PTPRK: variants seen among roughly 807,000 people sequenced by gnomAD.
PTPRK encodes receptor-type tyrosine-protein phosphatase kappa.
PTPRK carries 75 observed loss-of-function variants against 178.0 expected under a neutral mutation model. The observed-to-expected ratio is 0.42, with a 90% confidence interval of 0.35 to 0.51. The LOEUF (loss-of-function observed/expected upper bound fraction) is 0.51, where lower values mean the gene tolerates loss of function less well. Among genes scored for constraint, PTPRK ranks in the 20% least tolerant of loss-of-function variants. PTPRK has a pLI of 0.02. For missense variants in PTPRK, 1,441 were observed against 1,797.8 expected (o/e 0.80, Z 3.59); for synonymous variants, 637 against 620.6 (o/e 1.03, Z -0.39).
intron 3 of PTPRK, among the ~76,000 whole-genome samples, chr6:128,243,488 TAAAAAAAAAAAA>T (rs760606919): frequency 3.4e-5 from 2 of 59,138 alleles, no homozygotes; most frequent in Admixed American, 2.3e-4. Flanking sequence ...AGCCTGTCGC[TAAAAAAAAAAAA>T]AAAAAAAAAA....
At chr6:128,280,424 T>C (rs1203445387) in intron 3 of PTPRK, among the ~76,000 whole-genome samples, 1 of 152,152 alleles carries the variant, frequency 6.6e-6, no homozygotes, top group Non-Finnish European at 1.5e-5. Flanking sequence ...CTTGTGACTA[T>C]CCTATCAGGA....
intron 6 of PTPRK, among the ~76,000 whole-genome samples, chr6:128,186,424 A>C (rs968037287): frequency 2.0e-5 from 3 of 152,108 alleles, no homozygotes; most frequent in Non-Finnish European, 4.4e-5. Context: ...AACTAAGATC[A>C]AAGATGATAA....
At chr6:128,014,036 A>G (rs1779335721) in intron 13 of PTPRK, among the ~76,000 whole-genome samples, 1 of 151,578 alleles carries the variant, frequency 6.6e-6, no homozygotes. Flanking sequence ...AGGACCTAAA[A>G]AGGAGCAACA....
At chr6:128,381,125 T>C (rs1466150814) in intron 2 of PTPRK, among the ~76,000 whole-genome samples, 2 of 152,194 alleles carry the variant, frequency 1.3e-5, no homozygotes, top group Non-Finnish European at 2.9e-5. Context: ...CTTGGCCTTA[T>C]GACATTATAG....
chr6:128,058,009 A>G (rs1200412749), intron 13 of PTPRK, among the ~76,000 whole-genome samples: 2 of 152,154 alleles, frequency 1.3e-5, no homozygotes, highest in African/African-American at 4.8e-5. Context: ...CATAGTTTGC[A>G]TTCTTTGCTT....
At chr6:128,466,159 A>T (rs1176462675) in intron 1 of PTPRK, among the ~76,000 whole-genome samples, 2 of 152,134 alleles carry the variant, frequency 1.3e-5, no homozygotes, top group Non-Finnish European at 2.9e-5. Context: ...TTTTTTCCTG[A>T]ATGTTTTCTT....
chr6:128,094,849 G>A (rs190737827), intron 7 of PTPRK, among the ~76,000 whole-genome samples: 2 of 151,968 alleles, frequency 1.3e-5, no homozygotes, highest in East Asian at 3.9e-4. Context: ...ATAAGGATAG[G>A]GTAAGAGAAA....
At chr6:128,183,569 T>G (rs898160643) in intron 7 of PTPRK, among the ~76,000 whole-genome samples, 7 of 139,734 alleles carry the variant, frequency 5.0e-5, no homozygotes, top group African/African-American at 2.4e-4. Context: ...GGTAACTGAA[T>G]GGGTTTTGCT....
chr6:128,078,532 A>T (rs1159486534), intron 11 of PTPRK, among the ~76,000 whole-genome samples: 1 of 151,982 alleles, frequency 6.6e-6, no homozygotes, highest in African/African-American at 2.4e-5. Flanking sequence ...CTCGTCCAAA[A>T]ATAGGTAAGT....
chr6:128,202,578 C>T (rs1218714323), intron 6 of PTPRK, among the ~76,000 whole-genome samples: 1 of 152,122 alleles, frequency 6.6e-6, no homozygotes, highest in African/African-American at 2.4e-5. Context: ...AAGTTAAGAC[C>T]AACTGGCTTG....
chr6:128,013,343 C>A (rs76333036), intron 13 of PTPRK, among the ~76,000 whole-genome samples: 1 of 151,320 alleles, frequency 6.6e-6, no homozygotes, highest in African/African-American at 2.4e-5. Context: ...CTTTAGTTAC[C>A]ATCCTGATAA....
chr6:128,266,901 C>T (rs1217857823), intron 3 of PTPRK, among the ~76,000 whole-genome samples: 1 of 152,070 alleles, frequency 6.6e-6, no homozygotes, highest in East Asian at 1.9e-4. Flanking sequence ...AGAGTAATTT[C>T]TGAAAAACAA....
chr6:127,973,352 G>A (rs557590966), intron 28 of PTPRK, among the ~76,000 whole-genome samples, 195 bp from the exon 29 acceptor site: 1 of 152,288 alleles, frequency 6.6e-6, no homozygotes, highest in East Asian at 1.9e-4. Context: ...CTTATACTCA[G>A]GAAAATGCTA....
intron 2 of PTPRK, among the ~76,000 whole-genome samples, chr6:128,390,770 G>A (rs928576798): frequency 5.3e-5 from 8 of 152,066 alleles, no homozygotes; most frequent in East Asian, 1.9e-4. Flanking sequence ...ACTTATCTCC[G>A]AAATATCACC....
chr6:128,460,213 A>T (rs1020089739), intron 1 of PTPRK, among the ~76,000 whole-genome samples: 3 of 152,130 alleles, frequency 2.0e-5, no homozygotes, highest in African/African-American at 7.2e-5. Flanking sequence ...TTATAGATTC[A>T]TTGTATGTCC....
chr6:128,505,087 A>G (rs765468308), intron 1 of PTPRK, among the ~76,000 whole-genome samples: 8 of 150,708 alleles, frequency 5.3e-5, no homozygotes, highest in African/African-American at 1.5e-4. Context: ...CAAAATGATA[A>G]CAACTTAAGA....
At chr6:128,175,079 C>G (rs1800860641) in intron 7 of PTPRK, among the ~76,000 whole-genome samples, 1 of 151,688 alleles carries the variant, frequency 6.6e-6, no homozygotes, top group South Asian at 2.1e-4. Context: ...CTTAGAATAT[C>G]CAGTAATTTA....
intron 2 of PTPRK, among the ~76,000 whole-genome samples, chr6:128,384,776 T>A (rs1214411010): frequency 6.6e-6 from 1 of 152,038 alleles, no homozygotes; most frequent in Admixed American, 6.6e-5. Context: ...TTTTTAAAGC[T>A]TTTGCTGTCA....
intron 2 of PTPRK, among the ~76,000 whole-genome samples, chr6:128,388,302 T>C (rs1157976656): frequency 1.3e-5 from 2 of 152,182 alleles, no homozygotes; most frequent in Non-Finnish European, 2.9e-5. Context: ...AGCCATAGAT[T>C]TTAGACCTTT....
Sources: gnomAD v4.1 joint callset for allele counts (sites outside exome capture counted in the v4.1 genomes callset) on GRCh38, gnomAD v4.1.1 for gene constraint, MANE v1.5 for transcripts, NCBI Gene and HGNC (gene_info 2026-07-23, HGNC 2026-07-21) for gene names.